PCDHGB1: variants seen among roughly 807,000 people sequenced by gnomAD.
The protein encoded by PCDHGB1 is protocadherin gamma-B1.
In PCDHGB1, 34 loss-of-function variants were observed where a neutral mutation model predicts 56.6. The ratio of observed to expected loss-of-function variants is 0.60; its 90% CI spans 0.46 to 0.80. The LOEUF (loss-of-function observed/expected upper bound fraction) is 0.80. Ranked by LOEUF, PCDHGB1 falls within the 30% of genes least tolerant of loss-of-function variation. PCDHGB1 has a pLI of 0.00. For synonymous variants in PCDHGB1, 561 were observed against 505.9 expected, an observed-to-expected ratio of 1.11 and a Z score of -1.46; for missense variants, 1,278 against 1,204.6, an observed-to-expected ratio of 1.06 and a Z score of -0.90.
rs912402706 is a variant in PCDHGB1, at chr5:141,362,030, T to G, written c.2409+9361T>G. On this transcript the variant is annotated intron_variant, in intron 1 of 3. Coordinates refer to ENST00000523390, the MANE Select transcript of PCDHGB1 (RefSeq NM_018922.3). ...GGTGAGGTGCGCACAGCGCGTGCCTTGGGCGACAGGGACGCGGCCCGCCAG... is the reference window on the plus strand; with the variant it reads ...GGTGAGGTGCGCACAGCGCGTGCCTGGGGCGACAGGGACGCGGCCCGCCAG... 6 of 1,608,644 alleles carry G rather than the reference T, an allele frequency of 3.7e-6. No individual in the cohort carries two copies. In the African/African-American group the frequency reaches 5.3e-5, roughly 14 times the overall value.
Position 141,432,110 on chromosome 5 carries a change from G to T in PCDHGB1, c.2410-62697G>T, listed in dbSNP as rs768038692. The T allele has an allele frequency of 6.2e-7, 1 of 1,614,108 alleles. No homozygotes were observed. Among genetic ancestry groups the T allele is most frequent in the Non-Finnish European group, 8.5e-7 (1 of 1,180,036 alleles). ...GGCAGACACCAACGACAACCCGCCG[G>T]TCTTCCCTCAGGCCTCCTATTCCGC... On this transcript the variant is annotated intron_variant, in intron 1 of 3. Coordinates refer to ENST00000523390, the MANE Select transcript of PCDHGB1 (RefSeq NM_018922.3). The surrounding 1 kb of genome is among the most constrained non-coding windows in gnomAD (Gnocchi z 6.0).
chr5:141,503,763 T>C (rs1014883264), intron 2 of PCDHGB1, among the ~76,000 whole-genome samples: 1 of 152,174 alleles, frequency 6.6e-6, no homozygotes, highest in Non-Finnish European at 1.5e-5. Context: ...ATGGCAGCCT[T>C]GTGTCTGTTC....
intron 1 of PCDHGB1, among the ~76,000 whole-genome samples, chr5:141,472,611 G>T (rs1055885253): frequency 1.3e-5 from 2 of 151,938 alleles, no homozygotes; most frequent in South Asian, 4.1e-4. Context: ...ATAAAACAAA[G>T]AAGAAAAAAG....
At chr5:141,364,448 G>A in intron 1 of PCDHGB1, 1 of 1,613,978 alleles carries the variant, frequency 6.2e-7, no homozygotes, top group Non-Finnish European at 8.5e-7. Flanking sequence ...GGAGGAGCTG[G>A]ACAAAGGCTC....
At position 141,371,889 on chromosome 5, in the gene PCDHGB1, C is replaced by T. The variant is rs778087129; in HGVS notation, c.2409+19220C>T. 5 of 1,613,316 alleles carry T rather than the reference C, an allele frequency of 3.1e-6. No individual in the cohort carries two copies. The East Asian group carries it at 6.7e-5, about 22-fold the overall frequency. On this transcript the variant is annotated intron_variant, in intron 1 of 3. Coordinates refer to ENST00000523390, the MANE Select transcript of PCDHGB1 (RefSeq NM_018922.3). ...CATCGTGGCCAGTGACCTGGAGCCG[C>T]GGGAGCTGTCGTCCTACGTGTCCGT...
chr5:141,382,167 G>A (rs1003056701), intron 1 of PCDHGB1, among the ~76,000 whole-genome samples: 7 of 152,038 alleles, frequency 4.6e-5, no homozygotes, highest in African/African-American at 1.7e-4. Context: ...GAAGGTGTTA[G>A]ACCGTCTCTA....
chr5:141,447,433 C>G (rs756021616), intron 1 of PCDHGB1, among the ~76,000 whole-genome samples: 1 of 152,118 alleles, frequency 6.6e-6, no homozygotes. Context: ...CCACCGCACC[C>G]GGAGGAAATT....
At chr5:141,437,650 A>G in intron 1 of PCDHGB1, among the ~76,000 whole-genome samples, 1 of 152,314 alleles carries the variant, frequency 6.6e-6, no homozygotes, top group Non-Finnish European at 1.5e-5. Context: ...AAAAGCAAAC[A>G]CATAGTTTCG....
At chr5:141,427,397 T>C (rs944166415) in intron 1 of PCDHGB1, 2 of 460,626 alleles carry the variant, frequency 4.3e-6, no homozygotes, top group South Asian at 1.5e-5. Flanking sequence ...AAACACATGA[T>C]AAAGATTCGA....
At chr5:141,398,343 G>A (rs1393305647) in intron 1 of PCDHGB1, 6 of 1,380,544 alleles carry the variant, frequency 4.3e-6, no homozygotes, top group Non-Finnish European at 6.0e-6. Context: ...GTTCGGAGAA[G>A]CCTTACTTCA....
At chr5:141,357,758 A>G (rs1450092651) in intron 1 of PCDHGB1, 1 of 1,041,576 alleles carries the variant, frequency 9.6e-7, no homozygotes, top group South Asian at 1.7e-5. Context: ...AAACTGGTGG[A>G]TGACCTTCCA....
rs576318312 is a variant in PCDHGB1, at chr5:141,410,171, A to G, written c.2409+57502A>G. On this transcript the variant is annotated intron_variant, in intron 1 of 3. Coordinates refer to ENST00000523390, the MANE Select transcript of PCDHGB1 (RefSeq NM_018922.3). ...CGGTGGACAGCCGCCACTCTCTGCCACCGCCACGCTTCATCTGGTCTTCGC... is the reference window on the plus strand; with the variant it reads ...CGGTGGACAGCCGCCACTCTCTGCCGCCGCCACGCTTCATCTGGTCTTCGC... 181 of 1,613,780 alleles carry G rather than the reference A, an allele frequency of 1.1e-4. 1 individual carries two copies. The East Asian group carries it at 4.0e-3, about 36-fold the overall frequency.
chr5:141,422,260 G>A, intron 1 of PCDHGB1: 1 of 1,564,392 alleles, frequency 6.4e-7, no homozygotes, highest in South Asian at 1.2e-5. Context: ...GAATGATAAC[G>A]CTCCAGAAAT....
In PCDHGB1 at chr5:141,383,069, G is replaced by T; in HGVS notation, c.2409+30400G>T. ...GCCAAGGACCTGGGGCTGGAGCCCC[G>T]GGAGCTGGCGGAGCGCGGAGTCCGC... On this transcript the variant is annotated intron_variant, in intron 1 of 3. Coordinates refer to ENST00000523390, the MANE Select transcript of PCDHGB1 (RefSeq NM_018922.3). The T allele has an allele frequency of 6.2e-7, 1 of 1,613,886 alleles. No homozygotes were observed. The highest frequency in any genetic ancestry group is 8.5e-7 in the Non-Finnish European group (1 of 1,179,902).
In PCDHGB1 at chr5:141,511,074, C is replaced by G; in HGVS notation, c.2685C>G (p.Ser895Arg). 1.2e-6 allele frequency: 2 copies of G among 1,614,238 alleles called. No homozygotes were observed. The highest frequency in any genetic ancestry group is 1.7e-6 in the Non-Finnish European group (2 of 1,180,040). ...GCCAGAATGTCTACATCCCAGGCAGCAATGCCACACTGACCAACGCAGCTG... is the reference window on the plus strand; with the variant it reads ...GCCAGAATGTCTACATCCCAGGCAGGAATGCCACACTGACCAACGCAGCTG... The part of the protein sequence containing the change: ...DYRQNVYIPG[S>R]NATLTNAAGK... Residue 895 changes from serine (S) to arginine (R), a missense_variant, in exon 4 of 4, where the codon AGC becomes AGG. Coordinates refer to ENST00000523390, the MANE Select transcript of PCDHGB1 (RefSeq NM_018922.3).
intron 1 of PCDHGB1, chr5:141,405,458 T>C (rs2094670240): frequency 2.4e-6 from 3 of 1,231,152 alleles, no homozygotes; most frequent in Non-Finnish European, 2.3e-6. Flanking sequence ...CTTACTCTGT[T>C]ACCCAGGCTG....
chr5:141,435,629 A>G (rs2097772414), intron 1 of PCDHGB1, among the ~76,000 whole-genome samples: 1 of 152,162 alleles, frequency 6.6e-6, no homozygotes, highest in Admixed American at 6.5e-5. Flanking sequence ...TAACTTTTAC[A>G]ACTATGGGAA....
At chr5:141,387,135 T>C (rs2090834693) in intron 1 of PCDHGB1, among the ~76,000 whole-genome samples, 1 of 152,208 alleles carries the variant, frequency 6.6e-6, no homozygotes, top group African/African-American at 2.4e-5. Context: ...ACTGAAACTA[T>C]TGGGAAGGGG....
At chr5:141,398,568 G>A (rs761294182) in intron 1 of PCDHGB1, 5 of 1,614,014 alleles carry the variant, frequency 3.1e-6, no homozygotes, top group African/African-American at 1.3e-5. Flanking sequence ...AGTCTGCACA[G>A]CCTGGCACAA....
Sources: allele counts gnomAD v4.1 joint callset (sites outside exome capture counted in the v4.1 genomes callset), GRCh38; gene constraint gnomAD v4.1.1; non-coding constraint Gnocchi (gnomAD v3.1); transcripts MANE v1.5; gene names NCBI Gene and HGNC (gene_info 2026-07-23, HGNC 2026-07-21).